PDZRN4: variants seen among roughly 807,000 people sequenced by gnomAD.
The protein encoded by PDZRN4 is PDZ domain-containing RING finger protein 4.
In PDZRN4, 70 loss-of-function variants were observed where a neutral mutation model predicts 99.0. The observed-to-expected ratio is 0.71, with a 90% confidence interval of 0.58 to 0.86. PDZRN4 has a LOEUF of 0.86. Among genes scored for constraint, PDZRN4 ranks in the 40% least tolerant of loss-of-function variants. The pLI is 0.00. For missense variants in PDZRN4, 1,474 were observed against 1,331.2 expected (o/e 1.11, Z -1.67); for synonymous variants, 551 against 501.6 (o/e 1.10, Z -1.32).
chr12:41,264,942 GA>G (rs1236949032), intron 3 of PDZRN4, among the ~76,000 whole-genome samples: 5 of 152,118 alleles, frequency 3.3e-5, no homozygotes, highest in Non-Finnish European at 7.4e-5. Context: ...CTCCAAAAGT[GA>G]GGAGGGAAAG....
At chr12:41,375,518 G>A (rs1952072942) in intron 3 of PDZRN4, among the ~76,000 whole-genome samples, 1 of 152,040 alleles carries the variant, frequency 6.6e-6, no homozygotes, top group Non-Finnish European at 1.5e-5. Flanking sequence ...CTATAAGCTA[G>A]GTATTATTAT....
chr12:41,489,986 G>A (rs1565596505), intron 3 of PDZRN4, among the ~76,000 whole-genome samples: 1 of 151,604 alleles, frequency 6.6e-6, no homozygotes, highest in African/African-American at 2.4e-5. Flanking sequence ...ACTGTACAGT[G>A]ATTAATTAAC....
chr12:41,326,862 T>C lies in PDZRN4; in HGVS notation c.843+132674T>C, dbSNP rs570834812. On this transcript the variant is annotated intron_variant, in intron 3 of 9. Transcript: ENST00000402685. Reference sequence around the variant, plus strand: ...ATATCATTAGCTAAAGTGAATATCATATATAACAGGTTATCCCGGTGTTAA... The same window carrying C: ...ATATCATTAGCTAAAGTGAATATCACATATAACAGGTTATCCCGGTGTTAA... Among the ~76,000 whole-genome samples the C allele has an allele frequency of 5.3e-5, 8 of 152,330 alleles. No homozygotes were observed. In the South Asian group the frequency reaches 1.7e-3, roughly 32 times the overall value.
chr12:41,548,376 A>T (rs948388673), intron 5 of PDZRN4, among the ~76,000 whole-genome samples: 1 of 152,232 alleles, frequency 6.6e-6, no homozygotes, highest in Non-Finnish European at 1.5e-5. Context: ...AACAAAGCAT[A>T]TTTCACTAGT....
At chr12:41,268,053 A>T (rs1256284675) in intron 3 of PDZRN4, among the ~76,000 whole-genome samples, 3 of 152,184 alleles carry the variant, frequency 2.0e-5, no homozygotes, top group Non-Finnish European at 4.4e-5. Flanking sequence ...TTATTAAGCA[A>T]CATCATGCAT....
chr12:41,519,442 T>C (rs2468312), intron 5 of PDZRN4, among the ~76,000 whole-genome samples: 34,957 of 151,874 alleles, frequency 0.23, 5,657 homozygotes, highest in African/African-American at 0.46. Flanking sequence ...CCACAAAATG[T>C]TCTCAGTTGA....
chr12:41,363,131 T>C (rs1407830947), intron 3 of PDZRN4, among the ~76,000 whole-genome samples: 1 of 152,058 alleles, frequency 6.6e-6, no homozygotes, highest in Non-Finnish European at 1.5e-5. Context: ...TTTTATTTGG[T>C]ATTTTATTGA....
intron 3 of PDZRN4, among the ~76,000 whole-genome samples, chr12:41,472,800 C>A (rs1214520299): frequency 6.6e-6 from 1 of 152,160 alleles, no homozygotes; most frequent in Non-Finnish European, 1.5e-5. Flanking sequence ...AGCTAAATAA[C>A]TTTCCCATAG....
intron 3 of PDZRN4, among the ~76,000 whole-genome samples, chr12:41,232,665 T>G (rs1951036383): frequency 6.6e-6 from 1 of 152,074 alleles, no homozygotes; most frequent in African/African-American, 2.4e-5. Flanking sequence ...GCAGAAGCTC[T>G]TTAGTTTAAC....
At chr12:41,519,981 G>A (rs1234625865) in intron 5 of PDZRN4, among the ~76,000 whole-genome samples, 2 of 152,052 alleles carry the variant, frequency 1.3e-5, no homozygotes, top group African/African-American at 4.8e-5. Context: ...ATGTGGGAAC[G>A]CTGTGCTTCT....
intron 3 of PDZRN4, among the ~76,000 whole-genome samples, chr12:41,453,002 A>T (rs2608704): frequency 0.5 from 75,372 of 151,840 alleles, 18,869 homozygotes; most frequent in African/African-American, 0.58. Context: ...ACTATGATGC[A>T]ATCTTAACAG....
chr12:41,484,716 A>G (rs988867775), intron 3 of PDZRN4, among the ~76,000 whole-genome samples: 1 of 152,172 alleles, frequency 6.6e-6, no homozygotes, highest in African/African-American at 2.4e-5. Flanking sequence ...ATTTGCTGTA[A>G]ACTTAACAGT....
At chr12:41,414,624 C>A (rs1461583542) in intron 3 of PDZRN4, among the ~76,000 whole-genome samples, 1 of 151,348 alleles carries the variant, frequency 6.6e-6, no homozygotes, top group African/African-American at 2.4e-5. Context: ...AATGTACAAC[C>A]ATCTTCAAAT....
At chr12:41,198,620 GGA>G (rs1394905803) in intron 3 of PDZRN4, among the ~76,000 whole-genome samples, 1 of 124,966 alleles carries the variant, frequency 8.0e-6, no homozygotes, top group African/African-American at 3.0e-5. Flanking sequence ...TGGGGTGGGG[GGA>G]GGGGGGAGGG....
chr12:41,287,359 A>G (rs1023123111), intron 3 of PDZRN4, among the ~76,000 whole-genome samples: 2 of 152,216 alleles, frequency 1.3e-5, no homozygotes, highest in African/African-American at 4.8e-5. Flanking sequence ...TCAAAATTGT[A>G]TCAAGTGAAT....
At chr12:41,396,325 G>A (rs1952245353) in intron 3 of PDZRN4, among the ~76,000 whole-genome samples, 2 of 152,034 alleles carry the variant, frequency 1.3e-5, no homozygotes, top group African/African-American at 4.8e-5. Context: ...AAGGCATGCT[G>A]GCCGCTTACT....
At chr12:41,496,917 C>A (rs1267108770) in intron 3 of PDZRN4, among the ~76,000 whole-genome samples, 3 of 152,076 alleles carry the variant, frequency 2.0e-5, no homozygotes, top group Non-Finnish European at 4.4e-5. Flanking sequence ...AATAGTGAAG[C>A]CTTATGTTGC....
intron 3 of PDZRN4, among the ~76,000 whole-genome samples, chr12:41,349,462 T>G (rs759128921): frequency 1.4e-5 from 2 of 143,746 alleles, no homozygotes; most frequent in Non-Finnish European, 3.1e-5. Context: ...TTTATTTTTA[T>G]CTGTATACTT....
At chr12:41,480,570 C>G (rs1937656417) in intron 3 of PDZRN4, among the ~76,000 whole-genome samples, 1 of 152,114 alleles carries the variant, frequency 6.6e-6, no homozygotes, top group East Asian at 1.9e-4. Flanking sequence ...TTTACTTCTA[C>G]ATGAATGAAG....
Sources: allele counts gnomAD v4.1 joint callset (sites outside exome capture counted in the v4.1 genomes callset), GRCh38; gene constraint gnomAD v4.1.1; transcripts MANE v1.5; gene names NCBI Gene and HGNC (gene_info 2026-07-23, HGNC 2026-07-21).